Variants in CAB39L observed in about 807,000 individuals in gnomAD.
CAB39L encodes the protein calcium-binding protein 39-like.
CAB39L carries 23 observed loss-of-function variants against 39.1 expected under a neutral mutation model. The observed-to-expected ratio is 0.59, with a 90% CI of 0.42 to 0.83. The LOEUF is 0.83. CAB39L is among the 40% of genes least tolerant of loss of function. The pLI is 0.00. For synonymous variants in CAB39L, 126 were observed against 137.2 expected (o/e 0.92, Z 0.57); for missense variants, 366 against 391.9 (o/e 0.93, Z 0.56).
At chr13:49,406,327 C>T (rs965330195) in intron 3 of CAB39L, among the ~76,000 whole-genome samples, 1 of 135,952 alleles carries the variant, frequency 7.4e-6, no homozygotes, top group Admixed American at 7.6e-5. Flanking sequence ...GCCACCATGC[C>T]CAGCTATTTT....
chr13:49,343,904 C>T (rs1326142403), intron 8 of CAB39L, among the ~76,000 whole-genome samples: 4 of 152,180 alleles, frequency 2.6e-5, no homozygotes, highest in Non-Finnish European at 4.4e-5. Context: ...CTACTGCCTC[C>T]TTTGATTTGC....
At chr13:49,396,894 T>G (rs1011630189) in intron 3 of CAB39L, among the ~76,000 whole-genome samples, 1 of 152,144 alleles carries the variant, frequency 6.6e-6, no homozygotes, top group Non-Finnish European at 1.5e-5. Context: ...TCAATACTAA[T>G]TGAACCATTC....
chr13:49,343,220 G>A lies in CAB39L; in HGVS notation c.624+959C>T, dbSNP rs187562914. On this transcript the variant is annotated intron_variant, in intron 8 of 10. Transcript: ENST00000409308. ...TTGGATGGATCTGTCACCACCAAATGTATGACACTGCATTAGGCATTAGGA... is the reference window on the plus strand; with the variant it reads ...TTGGATGGATCTGTCACCACCAAATATATGACACTGCATTAGGCATTAGGA... Among the ~76,000 whole-genome samples the A allele has an allele frequency of 2.4e-3, 370 of 152,306 alleles. 2 individuals are homozygous for A. Among genetic ancestry groups the A allele is most frequent in the African/African-American group, 8.6e-3 (359 of 41,570 alleles).
intron 3 of CAB39L, among the ~76,000 whole-genome samples, chr13:49,415,030 T>C (rs1279780573): frequency 6.6e-6 from 1 of 151,534 alleles, no homozygotes; most frequent in African/African-American, 2.4e-5. Context: ...ATCCCATCTC[T>C]ACTAAAAATA....
At chr13:49,336,869 A>G (rs74074585) in intron 9 of CAB39L, among the ~76,000 whole-genome samples, 1,860 of 152,318 alleles carry the variant, frequency 0.012, 38 homozygotes, top group African/African-American at 0.042. Context: ...AGCTTTCTGG[A>G]CATGGGAGAA....
chr13:49,369,974 T>C lies in CAB39L; in HGVS notation c.276+6993A>G, dbSNP rs151138032. Among the ~76,000 whole-genome samples, 633 of 152,304 alleles carry C rather than the reference T, an allele frequency of 4.2e-3. 3 individuals carry two copies. Among genetic ancestry groups the C allele is most frequent in the Non-Finnish European group, 7.5e-3 (510 of 68,026 alleles). Reference sequence around the variant, plus strand: ...AAGGGTGAATGTTACTATTTATAAATTGTATCATAATTTTTAAAAATGAAA... The same window carrying C: ...AAGGGTGAATGTTACTATTTATAAACTGTATCATAATTTTTAAAAATGAAA... On this transcript the variant is annotated intron_variant, in intron 5 of 10. Coordinates refer to ENST00000409308, the MANE Select transcript of CAB39L (RefSeq NM_001079670.3).
Position 49,346,458 on chromosome 13 carries a change from C to G in CAB39L, c.565-2220G>C, listed in dbSNP as rs540794641. On this transcript the variant is annotated intron_variant, in intron 7 of 10. Coordinates refer to ENST00000409308, the MANE Select transcript of CAB39L (RefSeq NM_001079670.3). ...AATTTAGAATTTAAAAACCTTAATTCAAATAGTGTACTCTTTCATCCTACC... is the reference window on the plus strand; with the variant it reads ...AATTTAGAATTTAAAAACCTTAATTGAAATAGTGTACTCTTTCATCCTACC... 2.0e-5 allele frequency among the ~76,000 whole-genome samples: 3 copies of G among 152,000 alleles called. 1 individual carries two copies. In the South Asian group the frequency reaches 6.2e-4, roughly 32 times the overall value.
intron 3 of CAB39L, among the ~76,000 whole-genome samples, chr13:49,426,903 G>C (rs78566604): frequency 6.6e-6 from 1 of 152,118 alleles, no homozygotes; most frequent in Non-Finnish European, 1.5e-5. Context: ...ACTTATGAAG[G>C]TTGAGGAAAA....
intron 3 of CAB39L, among the ~76,000 whole-genome samples, chr13:49,407,861 CAAA>C (rs35392956): frequency 1.8e-5 from 2 of 114,104 alleles, no homozygotes; most frequent in Non-Finnish European, 1.7e-5. Flanking sequence ...GACCCCGTCT[CAAA>C]AAAAAAAAAA....
At chr13:49,329,561 ATATATATATATATATATAT>A in intron 10 of CAB39L, among the ~76,000 whole-genome samples, 1 of 22,652 alleles carries the variant, frequency 4.4e-5, no homozygotes. Flanking sequence ...ATATATATAT[ATATATATATATATATATAT>A]ATATATATAT....
chr13:49,324,758 C>G (rs141867642), intron 10 of CAB39L, among the ~76,000 whole-genome samples: 2 of 152,142 alleles, frequency 1.3e-5, no homozygotes, highest in African/African-American at 2.4e-5. Context: ...GTGTTCTGTA[C>G]GCTACAAAAT....
chr13:49,364,135 A>C (rs1480072564), intron 5 of CAB39L, among the ~76,000 whole-genome samples: 3 of 152,336 alleles, frequency 2.0e-5, no homozygotes, highest in Admixed American at 6.5e-5. Context: ...AATTGTAAAT[A>C]TATATGCACC....
intron 3 of CAB39L, among the ~76,000 whole-genome samples, 190 bp from the exon 4 acceptor site, chr13:49,383,131 A>G (rs1956283745): frequency 6.6e-6 from 1 of 152,110 alleles, no homozygotes; most frequent in African/African-American, 2.4e-5. Flanking sequence ...ATATTTTTAA[A>G]GTTTTGCTTG....
chr13:49,440,383 G>GTCAATT lies in CAB39L; in HGVS notation c.-246+3597_-246+3602dup, dbSNP rs1212544870. 5.3e-5 allele frequency among the ~76,000 whole-genome samples: 8 copies of GTCAATT among 152,140 alleles called. No homozygotes were observed. The East Asian group carries it at 1.5e-3, about 29-fold the overall frequency. On this transcript the variant is annotated intron_variant, in intron 1 of 10. Coordinates refer to ENST00000409308, the MANE Select transcript of CAB39L (RefSeq NM_001079670.3). ...AGTTCTTTCTCCATTGCTTCCTTTT[G>GTCAATT]TCAATTTTGTTGACCAGATGGCTGT...
chr13:49,363,100 G>C (rs1955677621), intron 5 of CAB39L, among the ~76,000 whole-genome samples: 1 of 152,198 alleles, frequency 6.6e-6, no homozygotes, highest in Non-Finnish European at 1.5e-5. Context: ...GCTAAGGGTA[G>C]TTCTCCAACC....
intron 1 of CAB39L, among the ~76,000 whole-genome samples, chr13:49,437,516 T>C (rs1957436658): frequency 6.6e-6 from 1 of 152,152 alleles, no homozygotes; most frequent in South Asian, 2.1e-4. Flanking sequence ...CTCTTCTCAC[T>C]TCTCTATCCA....
intron 3 of CAB39L, among the ~76,000 whole-genome samples, chr13:49,407,608 C>G (rs954536120): frequency 1.3e-5 from 2 of 151,916 alleles, no homozygotes; most frequent in African/African-American, 4.8e-5. Context: ...TGATTAAGTG[C>G]CACCTCCACA....
At chr13:49,312,212 T>A (rs865788825) in intron 10 of CAB39L, among the ~76,000 whole-genome samples, 26 of 152,274 alleles carry the variant, frequency 1.7e-4, no homozygotes, top group Middle Eastern at 3.4e-3. Context: ...TAACTTATTA[T>A]TAAAACAAGA....
chr13:49,404,628 G>A (rs9535223), intron 3 of CAB39L, among the ~76,000 whole-genome samples: 2 of 152,032 alleles, frequency 1.3e-5, no homozygotes, highest in Admixed American at 6.6e-5. Context: ...AGAGATATGC[G>A]ACCTTTAAGA....
Sources: allele counts gnomAD v4.1 joint callset (sites outside exome capture counted in the v4.1 genomes callset), GRCh38; gene constraint gnomAD v4.1.1; transcripts MANE v1.5; gene names NCBI Gene and HGNC (gene_info 2026-07-23, HGNC 2026-07-21).